Variants in WDR62 observed in about 807,000 individuals in gnomAD.
WDR62 encodes the protein WD repeat domain 62.
Under a neutral mutation model 160.6 loss-of-function variants are expected in WDR62, and 112 were observed. The observed-to-expected ratio is 0.70, with a 90% CI of 0.60 to 0.82. The LOEUF (loss-of-function observed/expected upper bound fraction) is 0.82, where lower values mean the gene tolerates loss of function less well. Among genes scored for constraint, WDR62 ranks in the 40% least tolerant of loss-of-function variants. The probability of loss-of-function intolerance (pLI) is 0.00; values close to 1 mark genes in which losing one functional copy is unlikely to be tolerated. For missense variants in WDR62, 1,819 were observed against 1,983.8 expected (o/e 0.92, Z 1.58); for synonymous variants, 792 against 815.1 (o/e 0.97, Z 0.48).
chr19:36,096,969 T>C (rs75663840), intron 20 of WDR62, 58 bp from the exon 21 acceptor site: 19,567 of 1,524,384 alleles, frequency 0.013, 1,128 homozygotes, highest in South Asian at 0.11. Context: ...CCCGGTTATG[T>C]ATGTGGCCTG....
Position 36,105,055 on chromosome 19 carries a change from G to A in WDR62, c.*27G>A. The A allele has an allele frequency of 6.3e-7, 1 of 1,587,296 alleles. No individual in the cohort carries two copies. ...GGCGCAGCCCCTCCACCGCAGCCCT[G>A]CTGCTTCTGAGGACTTAGGTATTTT... On this transcript the variant is annotated 3_prime_UTR_variant, in exon 32 of 32. Transcript: ENST00000401500.
At chr19:36,094,185 T>C in intron 20 of WDR62, 21 bp downstream of exon 20, 7 of 1,612,794 alleles carry the variant, frequency 4.3e-6, no homozygotes, top group Non-Finnish European at 5.9e-6. Context: ...GGGCCCTATT[T>C]TGAACTATGT....
At chr19:36,100,631 A>G (rs1973269266) in intron 22 of WDR62, 117 bp from the exon 23 acceptor site, 3 of 1,490,632 alleles carry the variant, frequency 2.0e-6, no homozygotes, top group Admixed American at 1.7e-5. Flanking sequence ...AGTGGAGGGC[A>G]TGGCACAGGC....
Position 36,071,712 on chromosome 19 carries a change from C to T in WDR62, c.1039C>T (p.Pro347Ser), listed in dbSNP as rs771915510. Reference sequence around the variant, plus strand: ...GGTAGACGTGGCACAGGGCCTGGAGCCCAGGTACTGCCCTGTGGGGAGAGG... The same window carrying T: ...GGTAGACGTGGCACAGGGCCTGGAGTCCAGGTACTGCCCTGTGGGGAGAGG... ...LGVDVAQGLE[P>S]SFLFHRKAEA... Residue 347 changes from proline to serine, a missense_variant, in exon 8 of 32, where the codon CCC becomes TCC. Pro to Ser is a moderately conservative substitution (Grantham distance 74). This residue lies in a region of WDR62 where 934 missense variants were observed against 1,157.2 expected (regional missense o/e 0.81). Transcript: ENST00000401500. 1.2e-6 allele frequency: 2 copies of T among 1,613,376 alleles called. No individual in the cohort carries two copies. Among genetic ancestry groups the T allele is most frequent in the Admixed American group, 1.7e-5 (1 of 60,014 alleles).
rs1970528427 is a variant in WDR62 at position 36,059,359 on chromosome 19, A to G, written c.269+488A>G. On this transcript the variant is annotated intron_variant, in intron 2 of 31. Transcript: ENST00000401500. ...CCTCTCTGGGTTTGTTTCCTTATCTATAAATGGGCCTAAATAGTCGTGACC... is the reference window on the plus strand; with the variant it reads ...CCTCTCTGGGTTTGTTTCCTTATCTGTAAATGGGCCTAAATAGTCGTGACC... 2.0e-5 allele frequency among the ~76,000 whole-genome samples: 3 copies of G among 152,180 alleles called. No individual in the cohort carries two copies. The South Asian group carries it at 6.2e-4, about 32-fold the overall frequency.
chr19:36,068,056 GAT>G (rs1453005551), intron 7 of WDR62, 46 bp downstream of exon 7: 1 of 1,584,864 alleles, frequency 6.3e-7, no homozygotes, highest in African/African-American at 1.3e-5. Context: ...TCTTTCTCGT[GAT>G]ATGTGTCTGC....
rs761767377 is a variant in WDR62, at chr19:36,066,028, C to T, written c.390+13C>T. ...AGTGACAGGGGAGGTGAGTCGTGAT[C>T]GTGACTGAGTGGGAGTCGGGGGCTG... On this transcript the variant is annotated intron_variant, in intron 4 of 31. Transcript: ENST00000401500. 64 of 1,613,748 alleles carry T rather than the reference C, an allele frequency of 4.0e-5. No individual in the cohort carries two copies. Among genetic ancestry groups the T allele is most frequent in the Middle Eastern group, 3.3e-4 (2 of 6,084 alleles).
chr19:36,105,074 GTATT>G lies in WDR62; in HGVS notation c.*48_*51del. 1 of 1,571,286 alleles carries G rather than the reference GTATT, an allele frequency of 6.4e-7. No homozygotes were observed. The highest frequency in any genetic ancestry group is 8.6e-7 in the Non-Finnish European group (1 of 1,166,022). On this transcript the variant is annotated 3_prime_UTR_variant, in exon 32 of 32. Transcript: ENST00000401500. ...AGCCCTGCTGCTTCTGAGGACTTAG[GTATT>G]TTAAGCGAATAAACTGACAGCTTTG...
chr19:36,099,483 G>A lies in WDR62; in HGVS notation c.2605G>A (p.Gly869Ser), dbSNP rs377052586. Reference sequence around the variant, plus strand: ...CCACGGCCGCTGGGCAGAGCGGGCCGGCCAAGAGCCCCTCAAGACCATCCT... The same window carrying A: ...CCACGGCCGCTGGGCAGAGCGGGCCAGCCAAGAGCCCCTCAAGACCATCCT... ...QPHGRWAERA[G>S]QEPLKTILDA... The change falls in exon 22 of 32, where the codon GGC (glycine) becomes AGC (serine). Residue 869 changes from glycine to serine, a missense_variant. Gly to Ser is a moderately conservative substitution (Grantham distance 56). This residue lies in a region of WDR62 where 934 missense variants were observed against 1,157.2 expected (regional missense o/e 0.81). Coordinates refer to ENST00000401500, the MANE Select transcript of WDR62 (RefSeq NM_001083961.2). The A allele has an allele frequency of 3.8e-5, 62 of 1,614,034 alleles. No homozygotes were observed. The highest frequency in any genetic ancestry group is 2.0e-4 in the African/African-American group (15 of 75,056).
intron 9 of WDR62, among the ~76,000 whole-genome samples, chr19:36,077,709 C>A (rs766418716): frequency 6.6e-6 from 1 of 152,030 alleles, no homozygotes; most frequent in African/African-American, 2.4e-5. Flanking sequence ...TATTCCCATG[C>A]TTCAGTCTCT....
intron 21 of WDR62, among the ~76,000 whole-genome samples, chr19:36,098,903 TAGTG>T (rs1973141244): frequency 6.6e-6 from 1 of 152,016 alleles, no homozygotes; most frequent in Non-Finnish European, 1.5e-5. Flanking sequence ...CTGAGCAACA[TAGTG>T]AGAGTCCACC....
intron 20 of WDR62, among the ~76,000 whole-genome samples, chr19:36,094,684 G>T (rs1330257987): frequency 3.3e-5 from 5 of 151,926 alleles, no homozygotes; most frequent in Non-Finnish European, 7.4e-5. Context: ...GAGGCCAGGA[G>T]GTCGAGACCA....
In WDR62 at chr19:36,084,720, C is replaced by T; in HGVS notation, c.1618C>T (p.Leu540=). The T allele has an allele frequency of 6.2e-7, 1 of 1,613,632 alleles. No individual in the cohort carries two copies. Among genetic ancestry groups the T allele is most frequent in the Non-Finnish European group, 8.5e-7 (1 of 1,179,942 alleles). The change falls in exon 12 of 32, where the codon CTG becomes TTG. Residue 540 remains leucine (L), a synonymous_variant. Coordinates refer to ENST00000401500, the MANE Select transcript of WDR62 (RefSeq NM_001083961.2). The stretch of plus-strand genomic sequence containing the variant: ...GGCCCATGATGCTGAGGTGCTGTGC[C>T]TGGAGTACTCCAAGCCAGAGACGGG... ...VEAHDAEVLC[L]EYSKPETGLT...
At position 36,082,769 on chromosome 19, in the gene WDR62, A is replaced by G. The variant is rs541373179; in HGVS notation, c.1372-294A>G. Among the ~76,000 whole-genome samples, 4 of 152,324 alleles carry G rather than the reference A, an allele frequency of 2.6e-5. No individual in the cohort carries two copies. In the East Asian group the frequency reaches 7.7e-4, roughly 29 times the overall value. On this transcript the variant is annotated intron_variant, in intron 10 of 31. Transcript: ENST00000401500. ...ATTTGAGGGAGCAGGCTATGTCCTCATGACCCAGTGTGGCTATGGGGGCTC... is the reference window on the plus strand; with the variant it reads ...ATTTGAGGGAGCAGGCTATGTCCTCGTGACCCAGTGTGGCTATGGGGGCTC...
chr19:36,067,684 A>G, intron 6 of WDR62, 144 bp from the exon 7 acceptor site: 2 of 1,084,474 alleles, frequency 1.8e-6, no homozygotes, highest in Non-Finnish European at 2.7e-6. Context: ...CCCTCTGTCC[A>G]GAGTGGCAGG....
chr19:36,070,455 A>T (rs1971236857), intron 7 of WDR62: 1 of 152,174 alleles, frequency 6.6e-6, no homozygotes, highest in Admixed American at 6.5e-5. Flanking sequence ...CTAAAGCATG[A>T]TCTATCGATA....
chr19:36,104,550 C>T lies in WDR62; in HGVS notation c.4186C>T (p.Arg1396Cys), dbSNP rs778841660. The T allele has an allele frequency of 8.3e-5, 134 of 1,613,542 alleles. No homozygotes were observed. The highest frequency in any genetic ancestry group is 1.1e-4 in the Non-Finnish European group (124 of 1,179,800). Residue 1396 changes from arginine (R) to cysteine (C), a missense_variant, in exon 31 of 32, where the codon CGC (arginine) becomes TGC (cysteine). Arg to Cys is a radical substitution (Grantham distance 180, BLOSUM62 -3). Around this residue, in one of 3 missense-constraint regions of WDR62, gnomAD observed 770 missense variants for 734.2 expected, o/e 1.05. Coordinates refer to ENST00000401500, the MANE Select transcript of WDR62 (RefSeq NM_001083961.2). ...TGGTCTGTTACAGGGCAGCCCTGCC[C>T]GCTGGAGTGAGCCCTGGGTGCCGGT... ...ALGLLQGSPA[R>C]WSEPWVPVEA...
intron 18 of WDR62, 124 bp downstream of exon 18, chr19:36,091,589 A>G: frequency 1.1e-6 from 1 of 949,104 alleles, no homozygotes. Flanking sequence ...TGTCACACCC[A>G]GCCCTGAGTT....
chr19:36,080,751 G>A (rs1315514042), intron 9 of WDR62, among the ~76,000 whole-genome samples: 2 of 152,116 alleles, frequency 1.3e-5, no homozygotes, highest in African/African-American at 2.4e-5. Context: ...CACCGCGCCC[G>A]GCCAATATGT....
Sources: allele counts gnomAD v4.1 joint callset (sites outside exome capture counted in the v4.1 genomes callset), GRCh38; gene constraint gnomAD v4.1.1; regional missense constraint gnomAD v4.1.1; transcripts MANE v1.5; gene names NCBI Gene and HGNC (gene_info 2026-07-23, HGNC 2026-07-21).